The following SLC41A2 variants were observed in gnomAD, a reference collection of about 807,000 sequenced individuals.
SLC41A2 encodes solute carrier family 41 member 2, also known as SLC41A1-like 1.
A neutral mutation model predicts 58.3 loss-of-function variants in SLC41A2; 32 were observed. The ratio of observed to expected loss-of-function variants is 0.55; its 90% CI spans 0.41 to 0.74. The LOEUF is 0.74. Ranked by LOEUF, SLC41A2 falls within the 30% of genes least tolerant of loss-of-function variation. The pLI, the probability that SLC41A2 is intolerant of heterozygous loss-of-function variation, is 0.00. For missense variants in SLC41A2, 514 were observed against 680.6 expected, an observed-to-expected ratio of 0.76 and a Z score of 2.72; for synonymous variants, 190 against 235.0, an observed-to-expected ratio of 0.81 and a Z score of 1.75.
At chr12:104,840,042 C>T (rs1415069745) in intron 10 of SLC41A2, among the ~76,000 whole-genome samples, 5 of 152,186 alleles carry the variant, frequency 3.3e-5, no homozygotes, top group African/African-American at 1.2e-4. Context: ...TTTGTACCTT[C>T]TCAGGTTTAT....
chr12:104,858,685 T>C (rs1372855550), intron 8 of SLC41A2, among the ~76,000 whole-genome samples: 1 of 152,202 alleles, frequency 6.6e-6, no homozygotes, highest in African/African-American at 2.4e-5. Context: ...CTAATTTTTA[T>C]AATTTTTGTG....
At chr12:104,906,041 G>A (rs1022300123) in intron 3 of SLC41A2, among the ~76,000 whole-genome samples, 17 of 152,376 alleles carry the variant, frequency 1.1e-4, no homozygotes, top group Non-Finnish European at 1.3e-4. Flanking sequence ...GAGAGCAAGC[G>A]AGGGCTCTGA....
At chr12:104,854,261 A>G (rs2042935025) in intron 8 of SLC41A2, among the ~76,000 whole-genome samples, 1 of 152,122 alleles carries the variant, frequency 6.6e-6, no homozygotes, top group Admixed American at 6.5e-5. Flanking sequence ...TGATGAAAAT[A>G]AAAGATTGAA....
chr12:104,899,068 G>C (rs983938850), intron 3 of SLC41A2, among the ~76,000 whole-genome samples: 3 of 152,138 alleles, frequency 2.0e-5, no homozygotes, highest in African/African-American at 7.2e-5. Flanking sequence ...TAGTTGACCT[G>C]ATGGTGGGAA....
intron 1 of SLC41A2, among the ~76,000 whole-genome samples, chr12:104,944,068 G>GA (rs1264683143): frequency 1.3e-5 from 2 of 151,978 alleles, no homozygotes; most frequent in South Asian, 2.1e-4. Flanking sequence ...AAAGGAAAAG[G>GA]AAAAAAATTA....
At chr12:104,827,297 T>A (rs2041880132) in intron 10 of SLC41A2, among the ~76,000 whole-genome samples, 1 of 152,168 alleles carries the variant, frequency 6.6e-6, no homozygotes, top group Admixed American at 6.5e-5. Context: ...GAGAACCTCC[T>A]TAAAGTAGTC....
intron 8 of SLC41A2, among the ~76,000 whole-genome samples, chr12:104,855,385 T>A (rs1331161228): frequency 1.3e-5 from 2 of 152,168 alleles, no homozygotes; most frequent in African/African-American, 4.8e-5. Context: ...GCTATCAGAG[T>A]GACTATGTTT....
chr12:104,955,976 A>C (rs544099653), intron 1 of SLC41A2, among the ~76,000 whole-genome samples: 72 of 152,370 alleles, frequency 4.7e-4, no homozygotes, highest in African/African-American at 1.1e-3. Flanking sequence ...TGAGAAGTTA[A>C]ACATAAATTT....
At chr12:104,912,562 T>C (rs10861292) in intron 2 of SLC41A2, among the ~76,000 whole-genome samples, 95,549 of 152,104 alleles carry the variant, frequency 0.63, 30,743 homozygotes, top group African/African-American at 0.77. Context: ...AAGCTCCGTG[T>C]CTCTGCCCCC....
intron 10 of SLC41A2, among the ~76,000 whole-genome samples, chr12:104,834,334 C>A (rs1395921980): frequency 6.6e-6 from 1 of 152,146 alleles, no homozygotes. Flanking sequence ...AACTTCCTAT[C>A]TTAAGGTAAG....
At chr12:104,870,875 C>T (rs920710301) in intron 6 of SLC41A2, among the ~76,000 whole-genome samples, 2 of 152,010 alleles carry the variant, frequency 1.3e-5, no homozygotes, top group African/African-American at 4.8e-5. Flanking sequence ...TTTCTAAATG[C>T]CCCTTAATAA....
At chr12:104,843,496 CCTTAT>C (rs1280739154) in intron 10 of SLC41A2, among the ~76,000 whole-genome samples, 1 of 151,994 alleles carries the variant, frequency 6.6e-6, no homozygotes, top group Non-Finnish European at 1.5e-5. Flanking sequence ...ACCTTCTTAA[CCTTAT>C]CTTGTCTGTT....
rs112997722 is a variant in SLC41A2, at chr12:104,933,578, G to A, written c.-167-4884C>T. ...AATCACATCAAAAAGACACTTGCAC[G>A]CGTATGTTTATCTGTTTATTACAGC... is the stretch of plus-strand genomic sequence containing the variant. On this transcript the variant is annotated intron_variant, in intron 1 of 10. Transcript: ENST00000258538. 3.7e-3 allele frequency among the ~76,000 whole-genome samples: 550 copies of A among 148,552 alleles called. 2 individuals are homozygous for A. Among genetic ancestry groups the A allele is most frequent in the African/African-American group, 0.013 (510 of 39,190 alleles).
intron 3 of SLC41A2, among the ~76,000 whole-genome samples, chr12:104,899,798 A>C: frequency 6.6e-6 from 1 of 152,194 alleles, no homozygotes; most frequent in East Asian, 1.9e-4. Context: ...GTCACAGAAG[A>C]CACTCAGTCA....
At chr12:104,827,263 G>A (rs1012309373) in intron 10 of SLC41A2, among the ~76,000 whole-genome samples, 2 of 152,158 alleles carry the variant, frequency 1.3e-5, no homozygotes, top group African/African-American at 4.8e-5. Context: ...ATAAAAACAG[G>A]TCCTGGGACC....
chr12:104,902,947 C>G (rs140465913), intron 3 of SLC41A2, among the ~76,000 whole-genome samples: 1 of 152,112 alleles, frequency 6.6e-6, no homozygotes, highest in Admixed American at 6.5e-5. Context: ...ATAAAAATGC[C>G]GTAAACTAGA....
At chr12:104,948,079 T>G (rs1181516900) in intron 1 of SLC41A2, among the ~76,000 whole-genome samples, 2 of 152,212 alleles carry the variant, frequency 1.3e-5, no homozygotes, top group East Asian at 3.8e-4. Context: ...AATTCTTTAT[T>G]GTTTCTTATC....
intron 6 of SLC41A2, among the ~76,000 whole-genome samples, chr12:104,872,255 C>T (rs920829141): frequency 1.3e-5 from 2 of 152,102 alleles, no homozygotes; most frequent in East Asian, 1.9e-4. Flanking sequence ...AAAACTTTAA[C>T]TTTGTCCATT....
intron 10 of SLC41A2, among the ~76,000 whole-genome samples, chr12:104,823,990 A>G (rs559588021): frequency 1.3e-5 from 2 of 152,294 alleles, no homozygotes; most frequent in South Asian, 4.1e-4. Context: ...CCATTTTACT[A>G]TCTATATGTA....
Sources: gnomAD v4.1 joint callset for allele counts (sites outside exome capture counted in the v4.1 genomes callset) on GRCh38, gnomAD v4.1.1 for gene constraint, MANE v1.5 for transcripts, NCBI Gene and HGNC (gene_info 2026-07-23, HGNC 2026-07-21) for gene names.